CACNA1B: variants seen among roughly 807,000 people sequenced by gnomAD.
CACNA1B encodes the protein voltage-dependent N-type calcium channel subunit alpha-1B.
In CACNA1B, 70 loss-of-function variants were observed where a neutral mutation model predicts 247.2. That is an observed-to-expected ratio of 0.28 (90% CI 0.23 to 0.35). The LOEUF is 0.35. CACNA1B is among the 10% of genes least tolerant of loss of function. The pLI is 1.00. For missense variants in CACNA1B, 2,367 were observed against 3,197.4 expected, an observed-to-expected ratio of 0.74 and a Z score of 6.26; for synonymous variants, 1,231 against 1,294.4, an observed-to-expected ratio of 0.95 and a Z score of 1.05.
chr9:138,085,608 GA>G (rs1240788117), intron 36 of CACNA1B, among the ~76,000 whole-genome samples: 1 of 151,148 alleles, frequency 6.6e-6, no homozygotes, highest in East Asian at 2.0e-4. Context: ...AAGTCAAAGA[GA>G]AGAGAAAATT....
intron 20 of CACNA1B, among the ~76,000 whole-genome samples, chr9:138,028,484 A>G (rs1958949414): frequency 6.6e-6 from 1 of 152,252 alleles, no homozygotes. Flanking sequence ...ACCAGTTAAA[A>G]TAGCTAGTAA....
Position 138,058,737 on chromosome 9 carries a change from T to G in CACNA1B, c.4473+4T>G, listed in dbSNP as rs769975338. On this transcript the variant is annotated splice_donor_region_variant and intron_variant, in intron 29 of 46. Transcript: ENST00000371372. The surrounding 1 kb of genome is among the most constrained non-coding windows in gnomAD (Gnocchi z 4.7). ...CACTGTGGTGCTGATGATGAAGGTG[T>G]GTGGGGCTCAGCGCAGAGGGGCAGC... is the stretch of plus-strand genomic sequence containing the variant. 2 of 1,600,238 alleles carry G rather than the reference T, an allele frequency of 1.2e-6. No homozygotes were observed. Among genetic ancestry groups the G allele is most frequent in the East Asian group, 2.3e-5 (1 of 44,366 alleles).
intron 37 of CACNA1B, among the ~76,000 whole-genome samples, chr9:138,099,261 TTTG>T (rs1961164155): frequency 6.7e-6 from 1 of 149,506 alleles, no homozygotes; most frequent in Non-Finnish European, 1.5e-5. Flanking sequence ...ACATGTGTGT[TTTG>T]TGCACATGTG....
chr9:138,091,506 G>A (rs1219765797), intron 36 of CACNA1B, among the ~76,000 whole-genome samples: 1 of 152,172 alleles, frequency 6.6e-6, no homozygotes, highest in Non-Finnish European at 1.5e-5. Flanking sequence ...ACAACAGTTT[G>A]TTGAATATTT....
At chr9:138,017,743 A>G (rs910411726) in intron 18 of CACNA1B, among the ~76,000 whole-genome samples, 7 of 152,208 alleles carry the variant, frequency 4.6e-5, no homozygotes, top group African/African-American at 1.7e-4. Flanking sequence ...CCCAAGGCAG[A>G]GACACGGAAA....
chr9:137,992,383 A>G (rs1958441187), intron 15 of CACNA1B, among the ~76,000 whole-genome samples: 1 of 152,224 alleles, frequency 6.6e-6, no homozygotes, highest in Non-Finnish European at 1.5e-5. Flanking sequence ...CCAACAGGAA[A>G]ATATCATAAT....
At chr9:138,044,918 C>T (rs999180298) in intron 21 of CACNA1B, among the ~76,000 whole-genome samples, 1 of 152,198 alleles carries the variant, frequency 6.6e-6, no homozygotes, top group African/African-American at 2.4e-5. Context: ...GTAATGGAGA[C>T]AGACGTGGAC....
Position 137,913,301 on chromosome 9 carries a change from G to C in CACNA1B, c.622+30G>C. The C allele has an allele frequency of 1.3e-6, 2 of 1,553,746 alleles. No homozygotes were observed. Among genetic ancestry groups the C allele is most frequent in the Non-Finnish European group, 1.8e-6 (2 of 1,125,970 alleles). ...GTCCAGCGAAGACAGGCCCAAGCCGGCTTGGAGTAACAACCTCCTCTCCTA... is the reference window on the plus strand; with the variant it reads ...GTCCAGCGAAGACAGGCCCAAGCCGCCTTGGAGTAACAACCTCCTCTCCTA... On this transcript the variant is annotated intron_variant, in intron 4 of 46. Transcript: ENST00000371372. This position sits in a 1 kb window ranked among gnomAD's most constrained non-coding sequence, Gnocchi z 5.2.
intron 6 of CACNA1B, among the ~76,000 whole-genome samples, chr9:137,940,238 A>C (rs1305802498): frequency 1.3e-5 from 2 of 152,238 alleles, no homozygotes; most frequent in Non-Finnish European, 2.9e-5. Flanking sequence ...AATGGGAGAT[A>C]TTACAACTGA....
At chr9:138,075,782 C>A in intron 34 of CACNA1B, 37 bp from the exon 35 acceptor site, 1 of 1,410,834 alleles carries the variant, frequency 7.1e-7, no homozygotes, top group Non-Finnish European at 9.9e-7. Context: ...TCCTGCAGAC[C>A]CAGCAGGGTC....
intron 44 of CACNA1B, among the ~76,000 whole-genome samples, chr9:138,119,559 C>T (rs1168703301): frequency 6.6e-6 from 1 of 152,176 alleles, no homozygotes; most frequent in African/African-American, 2.4e-5. Flanking sequence ...ACTGCTGTGG[C>T]CAGCAAACCC....
rs1382448722 is a variant in CACNA1B, at chr9:138,023,683, G to C, written c.2940G>C (p.Arg980=). Residue 980 remains arginine, a synonymous_variant, in exon 19 of 47, where the codon CGG becomes CGC. Coordinates refer to ENST00000371372, the MANE Select transcript of CACNA1B (RefSeq NM_000718.4). ...ESGEEPARRH[R]ARHKAQPAHE... ...GGGAGGAGCCGGCGCGGCGGCACCG[G>C]GCCCGGCACAAGGCGCAGCCTGCTC... 2.0e-6 allele frequency: 3 copies of C among 1,518,568 alleles called. No homozygotes were observed. Among genetic ancestry groups the C allele is most frequent in the Admixed American group, 4.1e-5 (2 of 48,990 alleles). The allele number at this position is 1,518,568 out of a possible 1,614,324, so 94.1% of individuals were successfully genotyped here. A position where few individuals can be genotyped will look rare whatever the true frequency, so the allele number is the denominator to read the frequency against.
intron 39 of CACNA1B, among the ~76,000 whole-genome samples, chr9:138,111,918 A>T (rs903170738): frequency 1.4e-5 from 2 of 146,822 alleles, no homozygotes; most frequent in Non-Finnish European, 3.0e-5. Flanking sequence ...TTGCCTTGGC[A>T]CTTTGCACTC....
In CACNA1B at chr9:138,052,241, T is replaced by TGTGC. The variant is rs1554752978; in HGVS notation, c.3807+56_3807+57insCGTG. 2.5e-5 allele frequency: 21 copies of TGTGC among 843,570 alleles called. No homozygotes were observed. In the African/African-American group the frequency reaches 4.3e-4, roughly 17 times the overall value. The allele number at this position is 843,570 out of a possible 1,614,324, so 52.3% of individuals were successfully genotyped here. On this transcript the variant is annotated intron_variant, in intron 25 of 46. Coordinates refer to ENST00000371372, the MANE Select transcript of CACNA1B (RefSeq NM_000718.4). This position sits in a 1 kb window ranked among gnomAD's most constrained non-coding sequence, Gnocchi z 5.1. The stretch of plus-strand genomic sequence containing the variant: ...GATGTGCTGTGTGTGTGTGCGTGTG[T>TGTGC]GTGTGTGCGTGTGTGTGTGTGTATG...
At chr9:137,902,590 A>G (rs529447211) in intron 3 of CACNA1B, among the ~76,000 whole-genome samples, 1 of 152,122 alleles carries the variant, frequency 6.6e-6, no homozygotes, top group South Asian at 2.1e-4. Flanking sequence ...GAGGATAAAC[A>G]TTTTTCTTTT....
chr9:137,981,493 G>A (rs11137329), intron 12 of CACNA1B, among the ~76,000 whole-genome samples: 1 of 151,864 alleles, frequency 6.6e-6, no homozygotes, highest in African/African-American at 2.4e-5. Flanking sequence ...ACCTTTTTTT[G>A]TGTGTGTGTG....
At chr9:137,945,561 TTG>T (rs1957785999) in intron 6 of CACNA1B, among the ~76,000 whole-genome samples, 1 of 152,214 alleles carries the variant, frequency 6.6e-6, no homozygotes, top group South Asian at 2.1e-4. Context: ...TCCTTATAAT[TTG>T]ATAAGGCCAA....
chr9:137,879,217 C>A, intron 2 of CACNA1B, 58 bp downstream of exon 2: 1 of 1,110,828 alleles, frequency 9.0e-7, no homozygotes, highest in East Asian at 2.5e-5. Context: ...CTCCACTTTC[C>A]TTTATGGTCT....
chr9:138,023,924 C>G, intron 19 of CACNA1B, 113 bp downstream of exon 19: 1 of 621,168 alleles, frequency 1.6e-6, no homozygotes, highest in Non-Finnish European at 2.9e-6. Flanking sequence ...CCCGGCCACG[C>G]TGCCATGTCC....
Sources: allele counts gnomAD v4.1 joint callset (sites outside exome capture counted in the v4.1 genomes callset), GRCh38; gene constraint gnomAD v4.1.1; non-coding constraint Gnocchi (gnomAD v3.1); transcripts MANE v1.5; gene names NCBI Gene and HGNC (gene_info 2026-07-23, HGNC 2026-07-21).